HEPN1: variants seen among roughly 807,000 people sequenced by gnomAD.
The protein encoded by HEPN1 is protein HEPN1.
For synonymous variants in HEPN1, 46 were observed against 41.2 expected (o/e 1.12, Z -0.45); for missense variants, 97 against 103.3 (o/e 0.94, Z 0.26).
exon 1 of HEPN1, chr11:124,920,344 G>T: frequency 6.7e-7 from 1 of 1,502,248 alleles, no homozygotes; most frequent in Non-Finnish European, 9.0e-7. Context: ...TTCTCTATAA[G>T]AATAAGCCCA....
exon 1 of HEPN1, chr11:124,920,081 G>A: frequency 6.5e-7 from 1 of 1,539,356 alleles, no homozygotes; most frequent in African/African-American, 1.4e-5. Context: ...GCAGATGGGT[G>A]GCAGGAGGCC....
chr11:124,919,742 GT>G (rs1472011824), exon 1 of HEPN1: 2 of 1,613,028 alleles, frequency 1.2e-6, no homozygotes, highest in Non-Finnish European at 1.7e-6. Flanking sequence ...TTGACCTGGT[GT>G]GGAGGTGATG....
exon 1 of HEPN1, chr11:124,919,972 C>T (rs1691034563): frequency 6.2e-7 from 1 of 1,613,708 alleles, no homozygotes; most frequent in East Asian, 2.2e-5. Flanking sequence ...ATGGGCATGT[C>T]CTGGCTACAC....
chr11:124,920,216 A>G (rs774621447), exon 1 of HEPN1: 30 of 865,314 alleles, frequency 3.5e-5, no homozygotes, highest in Non-Finnish European at 4.4e-5. Flanking sequence ...TCCTGAGGAC[A>G]ATGATTGTTT....
At chr11:124,919,849 G>A in exon 1 of HEPN1, 1 of 1,609,900 alleles carries the variant, frequency 6.2e-7, no homozygotes, top group Non-Finnish European at 8.5e-7. Context: ...AGGCATTAAG[G>A]AGGAGGGAAT....
downstream of HEPN1, chr11:124,920,677 G>GAAAA (rs1565336612): frequency 5.2e-4 from 56 of 108,100 alleles, no homozygotes; most frequent in African/African-American, 2.2e-3. Flanking sequence ...ATCTGAACTT[G>GAAAA]CAAAAAAAAA....
At chr11:124,919,848 G>A (rs768512422) in exon 1 of HEPN1, 4 of 1,609,884 alleles carry the variant, frequency 2.5e-6, no homozygotes, top group Non-Finnish European at 3.4e-6. Flanking sequence ...GAGGCATTAA[G>A]GAGGAGGGAA....
chr11:124,919,661 A>C, exon 1 of HEPN1: 1 of 1,417,406 alleles, frequency 7.1e-7, no homozygotes, highest in Non-Finnish European at 9.7e-7. Flanking sequence ...GAGCTGAGAC[A>C]GGCATGCTGT....
At chr11:124,919,797 C>A in the HEPN1 span, 1 of 1,614,100 alleles carries the variant, frequency 6.2e-7, no homozygotes, top group East Asian at 2.2e-5. Context: ...GATGGCGAAT[C>A]AGAGCTGGAG....
exon 1 of HEPN1, chr11:124,920,397 G>T (rs1947111357): frequency 6.5e-7 from 1 of 1,548,378 alleles, no homozygotes; most frequent in African/African-American, 1.4e-5. Context: ...AGAGTGCTTG[G>T]CATGGCATGC....
rs1197784282 is a variant in HEPN1, at chr11:124,919,837, G to A, written c.87G>A (p.Leu29=). The A allele has an allele frequency of 1.9e-6, 3 of 1,614,020 alleles. No homozygotes were observed. The African/African-American group carries it at 4.0e-5, about 22-fold the overall frequency. Residue 29 remains leucine, a synonymous_variant, in exon 1 of 1, where the codon TTG becomes TTA. Coordinates refer to ENST00000408930, the Ensembl canonical transcript of HEPN1. ...GGAGACTAGGGATGCAAGGACCCTT[G>A]GAGGCATTAAGGAGGAGGGAATGGA... is the stretch of plus-strand genomic sequence containing the variant.
At chr11:124,919,973 C>G in exon 1 of HEPN1, 1 of 1,613,708 alleles carries the variant, frequency 6.2e-7, no homozygotes, top group Non-Finnish European at 8.5e-7. Context: ...TGGGCATGTC[C>G]TGGCTACACA....
At chr11:124,919,688 G>C in exon 1 of HEPN1, 1 of 1,576,670 alleles carries the variant, frequency 6.3e-7, no homozygotes, top group Non-Finnish European at 8.6e-7. Flanking sequence ...CAGGGCAGAG[G>C]GGGCAAACTA....
At chr11:124,920,611 A>G (rs1408669648) in exon 1 of HEPN1, 2 of 1,071,864 alleles carry the variant, frequency 1.9e-6, no homozygotes, top group South Asian at 3.1e-5. Context: ...AGTAACCGGC[A>G]TCTGGCTTCT....
At chr11:124,920,609 G>C (rs1947116108) in exon 1 of HEPN1, 1 of 1,077,966 alleles carries the variant, frequency 9.3e-7, no homozygotes, top group Non-Finnish European at 1.1e-6. Context: ...CCAGTAACCG[G>C]CATCTGGCTT....
downstream of HEPN1, chr11:124,920,677 GCAA>G (rs1239117363): frequency 0.021 from 2,274 of 107,044 alleles, 68 homozygotes; most frequent in Middle Eastern, 0.064. Flanking sequence ...ATCTGAACTT[GCAA>G]AAAAAAAAAA....
At chr11:124,919,689 G>A in exon 1 of HEPN1, 4 of 1,578,844 alleles carry the variant, frequency 2.5e-6, no homozygotes, top group Non-Finnish European at 3.4e-6. Flanking sequence ...AGGGCAGAGG[G>A]GGCAAACTAG....
exon 1 of HEPN1, chr11:124,919,561 A>G (rs538418045): frequency 1.6e-6 from 1 of 617,632 alleles, no homozygotes; most frequent in South Asian, 2.1e-5. Flanking sequence ...TACATGCATT[A>G]TCTCATTATG....
chr11:124,920,194 G>A (rs1947107717), exon 1 of HEPN1: 1 of 881,488 alleles, frequency 1.1e-6, no homozygotes. Context: ...GCTGGAGGAA[G>A]CTCAACAACT....
Sources: allele counts gnomAD v4.1 joint callset, GRCh38; gene constraint gnomAD v4.1.1; transcripts MANE v1.5; gene names NCBI Gene and HGNC (gene_info 2026-07-23, HGNC 2026-07-21).